The following ASAP1 variants were observed in gnomAD, a reference collection of about 807,000 sequenced individuals.
ASAP1 encodes the protein arf-GAP with SH3 domain, ANK repeat and PH domain-containing protein 1.
ASAP1 carries 43 observed loss-of-function variants against 145.2 expected under a neutral mutation model. That is an observed-to-expected ratio of 0.30 (90% CI 0.23 to 0.38). The LOEUF is 0.38. Among genes scored for constraint, ASAP1 ranks in the 10% least tolerant of loss-of-function variants. The pLI is 1.00. For missense variants in ASAP1, 1,018 were observed against 1,355.3 expected, an observed-to-expected ratio of 0.75 and a Z score of 3.91; for synonymous variants, 546 against 515.5, an observed-to-expected ratio of 1.06 and a Z score of -0.80.
intron 3 of ASAP1, among the ~76,000 whole-genome samples, chr8:130,326,190 C>T (rs1455805940): frequency 1.3e-5 from 2 of 152,144 alleles, no homozygotes; most frequent in African/African-American, 2.4e-5. Context: ...GCCTCACTGC[C>T]GACTTCCCAG....
intron 7 of ASAP1, among the ~76,000 whole-genome samples, chr8:130,186,631 G>A (rs567913504): frequency 1.3e-5 from 2 of 152,158 alleles, no homozygotes; most frequent in Non-Finnish European, 2.9e-5. Context: ...TCTGACTTCA[G>A]TGCCCATGCT....
chr8:130,143,235 G>A (rs1294378603), intron 13 of ASAP1, among the ~76,000 whole-genome samples: 1 of 152,094 alleles, frequency 6.6e-6, no homozygotes, highest in Non-Finnish European at 1.5e-5. Context: ...AAACTCTGAG[G>A]CTTGTCCTTT....
In ASAP1 at chr8:130,127,930, A is replaced by T. The variant is rs2097577486; in HGVS notation, c.1378T>A (p.Ser460Thr). The T allele has an allele frequency of 6.2e-7, 1 of 1,611,654 alleles. No individual in the cohort carries two copies. The highest frequency in any genetic ancestry group is 1.7e-5 in the Admixed American group (1 of 59,160). The change falls in exon 16 of 30, where the codon TCA becomes ACA. Residue 460 changes from serine to threonine, a missense_variant. Transcript: ENST00000518721. ...GNDICCDCGS[S>T]EPTWLSTNLG... ...GTTCAAATATGGGGACAAAAACCTG[A>T]TGAGCCACAATCGCAGCAAATGTCA...
chr8:130,405,833 G>A (rs1482531604), intron 1 of ASAP1, among the ~76,000 whole-genome samples: 3 of 152,192 alleles, frequency 2.0e-5, no homozygotes, highest in Non-Finnish European at 4.4e-5. Flanking sequence ...TATTCAAACA[G>A]AGATTATTTC....
rs145885589 is a variant in ASAP1 at position 130,076,167 on chromosome 8, A to T, written c.2701+181T>A. Among the ~76,000 whole-genome samples, 97 of 152,332 alleles carry T rather than the reference A, an allele frequency of 6.4e-4. No individual in the cohort carries two copies. In the East Asian group the frequency reaches 0.014, roughly 22 times the overall value. ...AAGTATGGTGCTTTGCTAATCACCAAATTTGAGTTTATAAATACCTTTCGT... is the reference window on the plus strand; with the variant it reads ...AAGTATGGTGCTTTGCTAATCACCATATTTGAGTTTATAAATACCTTTCGT... On this transcript the variant is annotated intron_variant, in intron 27 of 29. Coordinates refer to ENST00000518721, the MANE Select transcript of ASAP1 (RefSeq NM_018482.4).
chr8:130,081,124 T>G (rs550690906), intron 25 of ASAP1, among the ~76,000 whole-genome samples: 1 of 152,230 alleles, frequency 6.6e-6, no homozygotes, highest in Non-Finnish European at 1.5e-5. Context: ...GAATAGTTTC[T>G]AAACTCTGAC....
chr8:130,359,538 G>A (rs1207963577), intron 2 of ASAP1, among the ~76,000 whole-genome samples: 1 of 152,094 alleles, frequency 6.6e-6, no homozygotes, highest in Non-Finnish European at 1.5e-5. Flanking sequence ...TAGGATGGAA[G>A]GCTGAGCCTG....
chr8:130,170,058 A>G (rs1813473726), intron 9 of ASAP1, among the ~76,000 whole-genome samples: 1 of 152,174 alleles, frequency 6.6e-6, no homozygotes, highest in Non-Finnish European at 1.5e-5. Flanking sequence ...CTATTTCTCA[A>G]AACACTATCT....
At chr8:130,207,126 A>G (rs1040084178) in intron 5 of ASAP1, among the ~76,000 whole-genome samples, 2 of 152,184 alleles carry the variant, frequency 1.3e-5, no homozygotes, top group African/African-American at 2.4e-5. Context: ...CATTGCAAAG[A>G]AAGTCTTTAT....
chr8:130,443,124 C>T (rs1275792339), intron 1 of ASAP1, among the ~76,000 whole-genome samples: 1 of 152,058 alleles, frequency 6.6e-6, no homozygotes, highest in African/African-American at 2.4e-5. Flanking sequence ...CCGGGCCCTC[C>T]CCCGGAGGGG....
At chr8:130,217,081 G>A (rs775980287) in intron 4 of ASAP1, among the ~76,000 whole-genome samples, 1 of 152,122 alleles carries the variant, frequency 6.6e-6, no homozygotes, top group Non-Finnish European at 1.5e-5. Context: ...TACTCTCAAA[G>A]TAAGGCAGGA....
At chr8:130,391,809 C>A (rs765215396) in intron 2 of ASAP1, among the ~76,000 whole-genome samples, 4 of 152,238 alleles carry the variant, frequency 2.6e-5, no homozygotes, top group Non-Finnish European at 5.9e-5. Flanking sequence ...GCTCCTGTGA[C>A]AATCCCAGGC....
chr8:130,155,768 A>G (rs1442269777), intron 12 of ASAP1, among the ~76,000 whole-genome samples: 2 of 152,232 alleles, frequency 1.3e-5, no homozygotes, highest in Non-Finnish European at 2.9e-5. Context: ...TCCAGTCTGC[A>G]TAGCTCCTGA....
At position 130,131,651 on chromosome 8, in the gene ASAP1, G is replaced by A. The variant is rs894276542; in HGVS notation, c.1217+2645C>T. Among the ~76,000 whole-genome samples the A allele has an allele frequency of 1.5e-4, 22 of 150,178 alleles. 1 individual carries two copies. Among genetic ancestry groups the A allele is most frequent in the Admixed American group, 9.3e-4 (14 of 14,974 alleles). ...AAAAAGAAATGAAAATTAGCTGGGC[G>A]TGGTGATGCGTGCTTATAGCACTAG... On this transcript the variant is annotated intron_variant, in intron 15 of 29. Coordinates refer to ENST00000518721, the MANE Select transcript of ASAP1 (RefSeq NM_018482.4).
At chr8:130,170,044 C>G (rs1813472411) in intron 9 of ASAP1, among the ~76,000 whole-genome samples, 1 of 152,184 alleles carries the variant, frequency 6.6e-6, no homozygotes, top group Non-Finnish European at 1.5e-5. Context: ...GTCCCTACAG[C>G]AGACTATTTC....
At chr8:130,364,126 C>T (rs1297880717) in intron 2 of ASAP1, among the ~76,000 whole-genome samples, 1 of 152,126 alleles carries the variant, frequency 6.6e-6, no homozygotes, top group Non-Finnish European at 1.5e-5. Context: ...CCAAGCAAAA[C>T]CACTAGAGTT....
chr8:130,180,300 C>T (rs1814266682), intron 8 of ASAP1, among the ~76,000 whole-genome samples: 1 of 152,206 alleles, frequency 6.6e-6, no homozygotes, highest in Non-Finnish European at 1.5e-5. Flanking sequence ...TTGAGAACCA[C>T]TGCTCTAAGT....
intron 2 of ASAP1, among the ~76,000 whole-genome samples, chr8:130,394,866 GC>G (rs1406963608): frequency 1.3e-5 from 2 of 152,162 alleles, no homozygotes; most frequent in Non-Finnish European, 2.9e-5. Context: ...CAGATGAGAT[GC>G]CTGGAGGCAC....
chr8:130,168,840 T>C (rs918964361), intron 10 of ASAP1, 152 bp downstream of exon 10: 3 of 494,856 alleles, frequency 6.1e-6, no homozygotes, highest in Non-Finnish European at 1.1e-5. Flanking sequence ...ATGACTTCTC[T>C]GACTTAAACT....
Sources: allele counts gnomAD v4.1 joint callset (sites outside exome capture counted in the v4.1 genomes callset), GRCh38; gene constraint gnomAD v4.1.1; transcripts MANE v1.5; gene names NCBI Gene and HGNC (gene_info 2026-07-23, HGNC 2026-07-21).